GHR: variants seen among roughly 807,000 people sequenced by gnomAD.
GHR encodes the protein growth hormone receptor, also known as GH receptor.
Under a neutral mutation model 67.1 loss-of-function variants are expected in GHR, and 35 were observed. The observed-to-expected ratio is 0.52, with a 90% CI of 0.40 to 0.69. The LOEUF (loss-of-function observed/expected upper bound fraction) is 0.69. Ranked by LOEUF, GHR falls within the 30% of genes least tolerant of loss-of-function variation. GHR has a pLI of 0.00. For missense variants in GHR, 792 were observed against 764.6 expected (o/e 1.04, Z -0.42); for synonymous variants, 272 against 269.1 (o/e 1.01, Z -0.10).
In GHR at chr5:42,451,210, A is replaced by G. The variant is rs144952675; in HGVS notation, c.-12+27255A>G. Among the ~76,000 whole-genome samples, 6 of 152,268 alleles carry G rather than the reference A, an allele frequency of 3.9e-5. No individual in the cohort carries two copies. In the East Asian group the frequency reaches 1.2e-3, roughly 29 times the overall value. On this transcript the variant is annotated intron_variant, in intron 1 of 9. Coordinates refer to ENST00000230882, the MANE Select transcript of GHR (RefSeq NM_000163.5). ...GACTTTCTGTCTTGATGACATGTCT[A>G]GTGTTGTCAATGGAGTACTGAAATC...
Position 42,719,370 on chromosome 5 carries a change from T to C in GHR, c.1863T>C (p.Phe621=). 6.2e-7 allele frequency: 1 copy of C among 1,614,030 alleles called. No homozygotes were observed. Among genetic ancestry groups the C allele is most frequent in the South Asian group, 1.1e-5 (1 of 91,082 alleles). Reference sequence around the variant, plus strand: ...CCTTGCCCTTGCCTGACAAAGAGTTTCTCTCATCATGTGGCTATGTGAGCA... The same window carrying C: ...CCTTGCCCTTGCCTGACAAAGAGTTCCTCTCATCATGTGGCTATGTGAGCA... ...ATALPLPDKE[F]LSSCGYVSTD... Residue 621 remains phenylalanine, a synonymous_variant, in exon 10 of 10, where the codon TTT becomes TTC. Transcript: ENST00000230882.
At chr5:42,602,286 C>T (rs527818750) in intron 2 of GHR, among the ~76,000 whole-genome samples, 5 of 152,256 alleles carry the variant, frequency 3.3e-5, no homozygotes, top group Admixed American at 2.0e-4. Context: ...TCCTTCATAA[C>T]TGCTACTTTG....
intron 1 of GHR, among the ~76,000 whole-genome samples, chr5:42,532,348 T>TGATAGATA (rs35216564): frequency 0.033 from 5,017 of 151,308 alleles, 163 homozygotes; most frequent in African/African-American, 0.081. Context: ...TTGATATAGA[T>TGATAGATA]GATAGATAGA....
At chr5:42,702,223 CT>C (rs1309735604) in intron 6 of GHR, among the ~76,000 whole-genome samples, 4 of 152,066 alleles carry the variant, frequency 2.6e-5, no homozygotes, top group African/African-American at 9.7e-5. Context: ...CCCACAACCC[CT>C]GATAACCACC....
chr5:42,489,624 T>C (rs1321090729), intron 1 of GHR, among the ~76,000 whole-genome samples: 1 of 152,216 alleles, frequency 6.6e-6, no homozygotes, highest in Non-Finnish European at 1.5e-5. Flanking sequence ...GTGACATTAA[T>C]AGGCTCATCA....
chr5:42,433,732 ATTTTTTTTTTTTT>A (rs35539827), intron 1 of GHR, among the ~76,000 whole-genome samples: 1 of 77,584 alleles, frequency 1.3e-5, no homozygotes, highest in East Asian at 3.6e-4. Flanking sequence ...AAGATATGGT[ATTTTTTTTTTTTT>A]TTTTTTTTTT....
chr5:42,539,240 T>TG (rs889262874), intron 1 of GHR, among the ~76,000 whole-genome samples: 4 of 152,152 alleles, frequency 2.6e-5, no homozygotes, highest in Non-Finnish European at 5.9e-5. Flanking sequence ...GTATTACTTT[T>TG]GGGGGGTGTT....
In GHR at chr5:42,636,546, G is replaced by A. The variant is rs1014594847; in HGVS notation, c.136+7443G>A. Among the ~76,000 whole-genome samples the A allele has an allele frequency of 1.2e-4, 18 of 152,208 alleles. No individual in the cohort carries two copies. In the East Asian group the frequency reaches 1.9e-3, roughly 16 times the overall value. On this transcript the variant is annotated intron_variant, in intron 3 of 9. Coordinates refer to ENST00000230882, the MANE Select transcript of GHR (RefSeq NM_000163.5). ...AGCTTCAAAACCAACTCTAATCACT[G>A]CTCCCGAGAGAGCCCTAGCTTCTGC... is the stretch of plus-strand genomic sequence containing the variant.
intron 1 of GHR, among the ~76,000 whole-genome samples, chr5:42,456,452 T>C (rs945643929): frequency 6.6e-6 from 1 of 152,232 alleles, no homozygotes; most frequent in Non-Finnish European, 1.5e-5. Context: ...GTTCTAATTA[T>C]AAATCTATAG....
intron 3 of GHR, among the ~76,000 whole-genome samples, chr5:42,681,800 G>A (rs1756892435): frequency 6.6e-6 from 1 of 151,924 alleles, no homozygotes; most frequent in Non-Finnish European, 1.5e-5. Flanking sequence ...GGCAGGCGCA[G>A]TGGCGGGCGC....
intron 3 of GHR, among the ~76,000 whole-genome samples, chr5:42,631,075 T>G (rs28943888): frequency 0.016 from 2,429 of 151,974 alleles, 101 homozygotes; most frequent in East Asian, 0.14. Flanking sequence ...ATTCACAGTC[T>G]CAAGGAGTCT....
chr5:42,600,315 G>A (rs149024169), intron 2 of GHR, among the ~76,000 whole-genome samples: 2 of 152,236 alleles, frequency 1.3e-5, no homozygotes, highest in Admixed American at 1.3e-4. Flanking sequence ...GAGAAAGGAT[G>A]TAAGAGTGGG....
At chr5:42,494,048 G>A (rs182100081) in intron 1 of GHR, among the ~76,000 whole-genome samples, 8 of 152,242 alleles carry the variant, frequency 5.3e-5, no homozygotes, top group Non-Finnish European at 1.2e-4. Flanking sequence ...TGGATGCTCC[G>A]TAAATGCTTG....
chr5:42,433,658 C>A (rs1434733717), intron 1 of GHR, among the ~76,000 whole-genome samples: 2 of 150,492 alleles, frequency 1.3e-5, no homozygotes, highest in Non-Finnish European at 2.9e-5. Flanking sequence ...GAAGGACAAT[C>A]TGTTTGGACT....
At chr5:42,495,251 T>A (rs1746272905) in intron 1 of GHR, among the ~76,000 whole-genome samples, 1 of 151,738 alleles carries the variant, frequency 6.6e-6, no homozygotes, top group African/African-American at 2.4e-5. Context: ...TAAGATAGAG[T>A]GTTTCAGGCA....
intron 3 of GHR, among the ~76,000 whole-genome samples, chr5:42,668,672 A>C (rs1212187198): frequency 6.6e-6 from 1 of 152,086 alleles, no homozygotes; most frequent in Admixed American, 6.6e-5. Flanking sequence ...TAATATAAAA[A>C]TGTTCTCTGT....
At chr5:42,565,636 A>G (rs1379318739) in intron 1 of GHR, 1 of 985,002 alleles carries the variant, frequency 1.0e-6, no homozygotes, top group Non-Finnish European at 1.2e-6. Context: ...TGTTCATGTT[A>G]TTTCCTGAGA....
intron 1 of GHR, among the ~76,000 whole-genome samples, chr5:42,532,348 T>TGATAGATAGATAGATAGATAGATA (rs35216564): frequency 9.8e-4 from 148 of 151,328 alleles, no homozygotes; most frequent in African/African-American, 3.4e-3. Flanking sequence ...TTGATATAGA[T>TGATAGATAGATAGATAGATAGATA]GATAGATAGA....
At chr5:42,658,032 G>T (rs548315168) in intron 3 of GHR, among the ~76,000 whole-genome samples, 2 of 152,254 alleles carry the variant, frequency 1.3e-5, no homozygotes, top group African/African-American at 4.8e-5. Flanking sequence ...TGGCATTATT[G>T]CTTAGGGAAT....
Sources: allele counts gnomAD v4.1 joint callset (sites outside exome capture counted in the v4.1 genomes callset), GRCh38; gene constraint gnomAD v4.1.1; transcripts MANE v1.5; gene names NCBI Gene and HGNC (gene_info 2026-07-23, HGNC 2026-07-21).